CLASP1: variants seen among roughly 807,000 people sequenced by gnomAD.
The protein encoded by CLASP1 is cytoplasmic linker associated protein 1.
CLASP1 carries 38 observed loss-of-function variants against 192.3 expected under a neutral mutation model. The ratio of observed to expected loss-of-function variants is 0.20; its 90% confidence interval spans 0.15 to 0.26. The LOEUF is 0.26. Ranked by LOEUF, CLASP1 falls within the 10% of genes least tolerant of loss-of-function variation. The pLI, the probability that CLASP1 is intolerant of heterozygous loss-of-function variation, is 1.00. For missense variants in CLASP1, 1,433 were observed against 1,932.5 expected, an observed-to-expected ratio of 0.74 and a Z score of 4.85; for synonymous variants, 691 against 712.8, an observed-to-expected ratio of 0.97 and a Z score of 0.49.
intron 6 of CLASP1, 78 bp from the exon 7 acceptor site, chr2:121,515,840 T>C (rs2094275198): frequency 7.3e-6 from 8 of 1,090,926 alleles, no homozygotes; most frequent in East Asian, 2.4e-5. Context: ...ACAGGCCATA[T>C]ACCACCCCAA....
intron 32 of CLASP1, among the ~76,000 whole-genome samples, chr2:121,386,014 T>C (rs1053883008): frequency 6.6e-6 from 1 of 152,104 alleles, no homozygotes; most frequent in Non-Finnish European, 1.5e-5. Flanking sequence ...ATAAGGGCAA[T>C]CTGAACAGCA....
chr2:121,435,881 T>A (rs1212668576), intron 19 of CLASP1, among the ~76,000 whole-genome samples: 1 of 152,214 alleles, frequency 6.6e-6, no homozygotes, highest in Non-Finnish European at 1.5e-5. Flanking sequence ...TAGTATAAAA[T>A]CAGAAACAGG....
At chr2:121,480,826 C>G (rs1178239578) in intron 8 of CLASP1, among the ~76,000 whole-genome samples, 2 of 152,220 alleles carry the variant, frequency 1.3e-5, no homozygotes, top group African/African-American at 4.8e-5. Context: ...AATTCTAGAA[C>G]CTCTCTTCTT....
chr2:121,546,844 G>A (rs770734185), intron 2 of CLASP1, among the ~76,000 whole-genome samples: 1 of 152,168 alleles, frequency 6.6e-6, no homozygotes, highest in Non-Finnish European at 1.5e-5. Flanking sequence ...TGAAAAAGAG[G>A]TCAGACTGCT....
At chr2:121,510,258 A>G (rs1051443659) in intron 7 of CLASP1, among the ~76,000 whole-genome samples, 42 of 152,206 alleles carry the variant, frequency 2.8e-4, no homozygotes, top group African/African-American at 7.9e-4. Flanking sequence ...CAATGAAACC[A>G]GAAGTTAGTT....
At chr2:121,355,667 C>T (rs1019842887) in intron 37 of CLASP1, among the ~76,000 whole-genome samples, 1 of 152,098 alleles carries the variant, frequency 6.6e-6, no homozygotes, top group Non-Finnish European at 1.5e-5. Context: ...AGGTTTTGCC[C>T]CTGTGTTCTA....
At chr2:121,348,773 GACCA>G (rs763701815) in intron 37 of CLASP1, 55 bp from the exon 39 acceptor site, 12 of 1,430,770 alleles carry the variant, frequency 8.4e-6, no homozygotes, top group Non-Finnish European at 1.0e-5. Context: ...TGAAGCGAAA[GACCA>G]AACATCACTT....
chr2:121,404,416 C>A, exon 26 of CLASP1: 1 of 1,611,998 alleles, frequency 6.2e-7, no homozygotes, highest in Non-Finnish European at 8.5e-7. Flanking sequence ...TCTCACACAA[C>A]CTTTTCAGTT....
intron 37 of CLASP1, among the ~76,000 whole-genome samples, chr2:121,354,279 A>T (rs2065016221): frequency 6.6e-6 from 1 of 152,236 alleles, no homozygotes; most frequent in South Asian, 2.1e-4. Context: ...ACACTGGAAA[A>T]GCAACAGACT....
chr2:121,361,906 G>C (rs2066480799), intron 37 of CLASP1, among the ~76,000 whole-genome samples: 1 of 152,250 alleles, frequency 6.6e-6, no homozygotes, highest in Admixed American at 6.5e-5. Context: ...ACTGTGTGCT[G>C]TTCTAGGACT....
intron 2 of CLASP1, among the ~76,000 whole-genome samples, chr2:121,560,806 C>G (rs185066390): frequency 2.0e-4 from 31 of 152,374 alleles, no homozygotes; most frequent in Admixed American, 9.1e-4. Flanking sequence ...GCGATCTCAG[C>G]TCACCACAAC....
At chr2:121,459,053 A>C in intron 12 of CLASP1, 78 bp from the exon 13 acceptor site, 1 of 1,076,028 alleles carries the variant, frequency 9.3e-7, no homozygotes, top group Non-Finnish European at 1.3e-6. Context: ...TAACATCTAG[A>C]GCCTTCATTT....
intron 7 of CLASP1, among the ~76,000 whole-genome samples, chr2:121,506,600 C>T (rs2093956920): frequency 6.6e-6 from 1 of 152,170 alleles, no homozygotes. Flanking sequence ...ATGTGCAAGG[C>T]TGTGCACATG....
intron 8 of CLASP1, among the ~76,000 whole-genome samples, chr2:121,479,003 CCA>C (rs1412483603): frequency 1.6e-4 from 15 of 96,452 alleles, no homozygotes; most frequent in East Asian, 9.8e-4. Flanking sequence ...CACACACACA[CCA>C]CACACACACA....
At chr2:121,398,805 C>A (rs575814408) in intron 28 of CLASP1, among the ~76,000 whole-genome samples, 1 of 152,172 alleles carries the variant, frequency 6.6e-6, no homozygotes, top group Non-Finnish European at 1.5e-5. Context: ...ACAGCTGACC[C>A]TGCTTAAACT....
chr2:121,448,577 A>G (rs1866125), intron 17 of CLASP1, among the ~76,000 whole-genome samples: 146 of 152,350 alleles, frequency 9.6e-4, no homozygotes, highest in African/African-American at 3.3e-3. Context: ...AGCAGAGATG[A>G]TAATATATTA....
chr2:121,609,594 G>C lies in CLASP1; in HGVS notation c.-285-3414C>G, dbSNP rs543095202. 1.2e-3 allele frequency among the ~76,000 whole-genome samples: 181 copies of C among 152,214 alleles called. 2 individuals carry two copies. The highest frequency in any genetic ancestry group is 2.2e-3 in the Non-Finnish European group (149 of 68,016). ...AGTTCCAAATTCACAAGGTACAAAA[G>C]TGCAAGACCTGCCTTCCACCCCTGA... On this transcript the variant is annotated intron_variant, in intron 1 of 39. Coordinates refer to ENST00000263710, the Ensembl canonical transcript of CLASP1.
chr2:121,416,121 T>C (rs1036863726), intron 23 of CLASP1, among the ~76,000 whole-genome samples: 4 of 152,258 alleles, frequency 2.6e-5, no homozygotes. Context: ...GTACCTGATA[T>C]GTAGGTTCCT....
chr2:121,599,790 C>T (rs1212989449), intron 2 of CLASP1, among the ~76,000 whole-genome samples: 3 of 150,956 alleles, frequency 2.0e-5, no homozygotes, highest in Admixed American at 1.3e-4. Context: ...CATGGTGGCA[C>T]GCACCTGTAA....
Sources: allele counts gnomAD v4.1 joint callset (sites outside exome capture counted in the v4.1 genomes callset), GRCh38; gene constraint gnomAD v4.1.1; transcripts MANE v1.5; gene names NCBI Gene and HGNC (gene_info 2026-07-23, HGNC 2026-07-21).